Variants in CEP85L observed in about 807,000 individuals in gnomAD.
The protein encoded by CEP85L is centrosomal protein 85L.
In CEP85L, 60 loss-of-function variants were observed where a neutral mutation model predicts 100.3. The ratio of observed to expected loss-of-function variants is 0.60; its 90% confidence interval spans 0.49 to 0.74. CEP85L has a LOEUF of 0.74. Ranked by LOEUF, CEP85L falls within the 30% of genes least tolerant of loss-of-function variation. CEP85L has a pLI of 0.00. For synonymous variants in CEP85L, 319 were observed against 322.7 expected, an observed-to-expected ratio of 0.99 and a Z score of 0.12; for missense variants, 973 against 936.2, an observed-to-expected ratio of 1.04 and a Z score of -0.51.
At chr6:118,664,147 C>T (rs745429330) in intron 1 of CEP85L, among the ~76,000 whole-genome samples, 8 of 152,126 alleles carry the variant, frequency 5.3e-5, no homozygotes, top group Non-Finnish European at 7.4e-5. Flanking sequence ...CCTCCCACCT[C>T]AGCCTCCCAA....
At chr6:118,523,707 G>A (rs1304818522) in intron 4 of CEP85L, 95 bp downstream of exon 4, 6 of 576,942 alleles carry the variant, frequency 1.0e-5, no homozygotes, top group Non-Finnish European at 1.8e-5. Flanking sequence ...TAAGGTTCTA[G>A]ATCTTAAATT....
At chr6:118,651,959 G>A (rs1775599023), upstream of CEP85L, 9 of 978,530 alleles carry the variant, frequency 9.2e-6, no homozygotes, top group South Asian at 9.4e-5. Flanking sequence ...AGATGAAAAA[G>A]CCAAGCCAGG....
intron 2 of CEP85L, 124 bp from the exon 3 acceptor site, chr6:118,566,440 C>T (rs376053869): frequency 8.2e-6 from 7 of 850,140 alleles, no homozygotes; most frequent in South Asian, 3.7e-5. Flanking sequence ...TTTTTTGAGA[C>T]GTAGTTTTAG....
rs533895781 is a variant in CEP85L at position 118,679,597 on chromosome 6, G to A, written c.-27-26789C>T. Reference sequence around the variant, plus strand: ...TAGTGTCCCAGTCTACTTATGCAATGCTAGTGTAAGGGTGTCAAAATCAAA... The same window carrying A: ...TAGTGTCCCAGTCTACTTATGCAATACTAGTGTAAGGGTGTCAAAATCAAA... On this transcript the variant is annotated intron_variant, in intron 1 of 13. Transcript: ENST00000368488. Among the ~76,000 whole-genome samples, 9 of 152,098 alleles carry A rather than the reference G, an allele frequency of 5.9e-5. No homozygotes were observed. In the South Asian group the frequency reaches 1.5e-3, roughly 25 times the overall value.
intron 1 of CEP85L, among the ~76,000 whole-genome samples, chr6:118,666,954 T>C (rs941182882): frequency 6.6e-6 from 1 of 152,198 alleles, no homozygotes. Context: ...TAATGGCTGC[T>C]TTCAAAACCA....
intron 1 of CEP85L, among the ~76,000 whole-genome samples, chr6:118,691,468 G>A (rs1294724899): frequency 6.6e-6 from 1 of 151,556 alleles, no homozygotes; most frequent in Non-Finnish European, 1.5e-5. Context: ...AGGAGGCGGA[G>A]GTTGCAGTGA....
At chr6:118,567,742 T>C (rs1779639313) in intron 2 of CEP85L, among the ~76,000 whole-genome samples, 1 of 152,156 alleles carries the variant, frequency 6.6e-6, no homozygotes, top group Non-Finnish European at 1.5e-5. Flanking sequence ...GTTATGTTGA[T>C]AAAGTTGTAA....
intron 2 of CEP85L, among the ~76,000 whole-genome samples, chr6:118,622,372 G>C (rs1249871608): frequency 2.6e-5 from 4 of 152,220 alleles, no homozygotes; most frequent in African/African-American, 7.2e-5. Context: ...AGGATGGGGA[G>C]CCAATTGAGC....
chr6:118,653,805 G>A (rs1775680713), upstream of CEP85L, among the ~76,000 whole-genome samples: 1 of 151,632 alleles, frequency 6.6e-6, no homozygotes, highest in East Asian at 1.9e-4. Context: ...ATGAAATTAG[G>A]ATATTTAATG....
intron 2 of CEP85L, among the ~76,000 whole-genome samples, chr6:118,628,910 T>C (rs1773972596): frequency 6.6e-6 from 1 of 152,120 alleles, no homozygotes. Flanking sequence ...ATAGAAAGCA[T>C]CTGCTCTGCA....
intron 5 of CEP85L, among the ~76,000 whole-genome samples, chr6:118,506,268 T>G (rs1253180120): frequency 6.6e-6 from 1 of 152,120 alleles, no homozygotes; most frequent in Non-Finnish European, 1.5e-5. Context: ...GTGGTCACAG[T>G]GATATTTTAA....
intron 2 of CEP85L, among the ~76,000 whole-genome samples, chr6:118,592,327 GTC>G (rs1491383758): frequency 1.5e-5 from 2 of 135,826 alleles, no homozygotes; most frequent in African/African-American, 5.7e-5. Context: ...CATCCTCTAG[GTC>G]TTTTTTTTTT....
chr6:118,587,293 C>A (rs1208959055), intron 2 of CEP85L, among the ~76,000 whole-genome samples: 2 of 152,182 alleles, frequency 1.3e-5, no homozygotes. Context: ...TCTGCCCCAG[C>A]GCCAAAGAAC....
intron 2 of CEP85L, among the ~76,000 whole-genome samples, chr6:118,631,191 T>C (rs1467479306): frequency 1.3e-5 from 2 of 152,204 alleles, no homozygotes; most frequent in African/African-American, 4.8e-5. Flanking sequence ...GAAATCTCTG[T>C]ACCTCCCAAT....
chr6:118,585,799 G>A (rs559899677), intron 2 of CEP85L, among the ~76,000 whole-genome samples: 4 of 152,076 alleles, frequency 2.6e-5, no homozygotes, highest in Non-Finnish European at 5.9e-5. Context: ...CCCCTGAACA[G>A]GCGACTCCTT....
At chr6:118,593,194 TA>T (rs1781284013) in intron 2 of CEP85L, among the ~76,000 whole-genome samples, 1 of 152,064 alleles carries the variant, frequency 6.6e-6, no homozygotes, top group Non-Finnish European at 1.5e-5. Context: ...GGATAATGGC[TA>T]AAGGGGATAT....
chr6:118,687,221 C>A (rs1448629957), intron 1 of CEP85L, among the ~76,000 whole-genome samples: 1 of 152,170 alleles, frequency 6.6e-6, no homozygotes, highest in Non-Finnish European at 1.5e-5. Flanking sequence ...ATATCTCTCA[C>A]AATACTACCT....
intron 2 of CEP85L, among the ~76,000 whole-genome samples, chr6:118,594,913 A>AC (rs1781387007): frequency 6.6e-6 from 1 of 151,860 alleles, no homozygotes; most frequent in Non-Finnish European, 1.5e-5. Context: ...TTTGAAAAAG[A>AC]TAAATGAATT....
chr6:118,537,884 TC>T, intron 3 of CEP85L: 2 of 985,322 alleles, frequency 2.0e-6, no homozygotes, highest in Non-Finnish European at 2.4e-6. Flanking sequence ...TTCCTCTGTT[TC>T]CTGGAATAGT....
Sources: gnomAD v4.1 joint callset for allele counts (sites outside exome capture counted in the v4.1 genomes callset) on GRCh38, gnomAD v4.1.1 for gene constraint, MANE v1.5 for transcripts, NCBI Gene and HGNC (gene_info 2026-07-23, HGNC 2026-07-21) for gene names.